Variants in CAST observed in about 807,000 individuals in gnomAD.
The protein encoded by CAST is calpastatin.
CAST carries 76 observed loss-of-function variants against 119.6 expected under a neutral mutation model. The observed-to-expected ratio is 0.64, with a 90% confidence interval of 0.53 to 0.77. The LOEUF (loss-of-function observed/expected upper bound fraction) is 0.77. Among genes scored for constraint, CAST ranks in the 30% least tolerant of loss-of-function variants. The pLI is 0.00. For synonymous variants in CAST, 319 were observed against 331.6 expected (o/e 0.96, Z 0.41); for missense variants, 953 against 946.5 (o/e 1.01, Z -0.09).
the CAST span, among the ~76,000 whole-genome samples, chr5:96,230,901 A>G: frequency 6.6e-6 from 1 of 152,212 alleles, no homozygotes. Context: ...GTTCGACATC[A>G]TTAGCCATTA....
chr5:96,415,618 TTTTTAAA>T, the CAST span, among the ~76,000 whole-genome samples: 1 of 152,222 alleles, frequency 6.6e-6, no homozygotes, highest in East Asian at 1.9e-4. Flanking sequence ...GTATGTACTT[TTTTTAAA>T]TTTTGAAGCT....
chr5:96,401,110 AAAG>A, the CAST span, among the ~76,000 whole-genome samples: 27 of 149,210 alleles, frequency 1.8e-4, no homozygotes, highest in African/African-American at 1.5e-4. Context: ...AAAAAAAAAA[AAAG>A]AAGTTTACAA....
chr5:96,035,607 G>A, the CAST span, among the ~76,000 whole-genome samples: 5 of 152,024 alleles, frequency 3.3e-5, no homozygotes, highest in South Asian at 6.2e-4. Context: ...TATGGGGAGT[G>A]TAAAGAGTGG....
At chr5:96,683,376 A>C (rs1463539819) in intron 2 of CAST, among the ~76,000 whole-genome samples, 3 of 152,346 alleles carry the variant, frequency 2.0e-5, no homozygotes, top group Admixed American at 6.5e-5. Flanking sequence ...AGAAAATGAA[A>C]AAATAGAAAC....
intron 9 of CAST, among the ~76,000 whole-genome samples, chr5:96,735,709 A>T (rs1315922160): frequency 6.6e-6 from 1 of 152,274 alleles, no homozygotes; most frequent in Middle Eastern, 3.2e-3. Context: ...AATGGAAGCA[A>T]TGATGAGCGA....
At chr5:96,620,469 G>A (rs1018976162) in intron 1 of CAST, among the ~76,000 whole-genome samples, 4 of 152,056 alleles carry the variant, frequency 2.6e-5, no homozygotes, top group Admixed American at 6.5e-5. Flanking sequence ...TTGCAGCTCC[G>A]AATCAGCCAT....
the CAST span, chr5:96,390,357 T>C: frequency 6.6e-6 from 1 of 152,224 alleles, no homozygotes; most frequent in South Asian, 2.1e-4. Context: ...ATGAGCTTTT[T>C]TTCTTTTGAC....
the CAST span, among the ~76,000 whole-genome samples, chr5:96,446,809 C>A: frequency 2.6e-5 from 4 of 152,038 alleles, no homozygotes; most frequent in Non-Finnish European, 5.9e-5. Context: ...TAAATGTTGC[C>A]TGGGCTAGAA....
At chr5:96,111,381 G>C in the CAST span, among the ~76,000 whole-genome samples, 117 of 152,284 alleles carry the variant, frequency 7.7e-4, 1 homozygote, top group African/African-American at 2.0e-3. Context: ...CCTTTGCTTA[G>C]GGGTTTTATG....
chr5:96,597,705 T>C (rs1747076688), intron 1 of CAST, among the ~76,000 whole-genome samples: 1 of 152,214 alleles, frequency 6.6e-6, no homozygotes, highest in Non-Finnish European at 1.5e-5. Context: ...TGCCTTCTTT[T>C]CACCTTCTTT....
At chr5:96,252,284 T>G in the CAST span, among the ~76,000 whole-genome samples, 1 of 152,156 alleles carries the variant, frequency 6.6e-6, no homozygotes, top group East Asian at 1.9e-4. Context: ...TTACACTATG[T>G]TTTCTGTGAA....
At chr5:96,119,780 G>C in the CAST span, among the ~76,000 whole-genome samples, 1 of 152,144 alleles carries the variant, frequency 6.6e-6, no homozygotes, top group Non-Finnish European at 1.5e-5. Flanking sequence ...GTAGATATGT[G>C]TTATGTATTA....
At chr5:96,191,934 C>T in the CAST span, among the ~76,000 whole-genome samples, 4 of 152,178 alleles carry the variant, frequency 2.6e-5, no homozygotes, top group East Asian at 1.9e-4. Flanking sequence ...TATAATTTCA[C>T]GGTGACAAGA....
At chr5:96,349,523 A>G in the CAST span, among the ~76,000 whole-genome samples, 1 of 152,170 alleles carries the variant, frequency 6.6e-6, no homozygotes, top group African/African-American at 2.4e-5. Context: ...TCATGAGTCT[A>G]TTAAAAACTC....
At chr5:96,302,481 G>T in the CAST span, among the ~76,000 whole-genome samples, 6 of 152,090 alleles carry the variant, frequency 3.9e-5, no homozygotes, top group African/African-American at 1.4e-4. Context: ...ACATAGGCAG[G>T]CTGCAAATTT....
the CAST span, among the ~76,000 whole-genome samples, chr5:96,193,279 G>A: frequency 3.3e-5 from 5 of 152,008 alleles, no homozygotes; most frequent in African/African-American, 4.8e-5. Context: ...GTAAACTAAT[G>A]TATATTTACT....
At chr5:96,102,377 G>A in the CAST span, among the ~76,000 whole-genome samples, 503 of 152,144 alleles carry the variant, frequency 3.3e-3, no homozygotes, top group African/African-American at 0.011. Flanking sequence ...AAGTCCAGCC[G>A]TCCCTCTGAA....
chr5:96,593,415 T>A (rs1746998608), intron 1 of CAST, among the ~76,000 whole-genome samples: 1 of 152,198 alleles, frequency 6.6e-6, no homozygotes. Flanking sequence ...ACCTATGCAG[T>A]ATCATTGAGC....
At chr5:96,421,819 T>C in the CAST span, 56 of 918,292 alleles carry the variant, frequency 6.1e-5, no homozygotes, top group Non-Finnish European at 9.0e-5. Flanking sequence ...GGTATAATTT[T>C]CTCAAACAAG....
Sources: allele counts gnomAD v4.1 joint callset (sites outside exome capture counted in the v4.1 genomes callset), GRCh38; gene constraint gnomAD v4.1.1; transcripts MANE v1.5; gene names NCBI Gene and HGNC (gene_info 2026-07-23, HGNC 2026-07-21).